PSME4: variants seen among roughly 807,000 people sequenced by gnomAD.
PSME4 encodes proteasome activator subunit 4, also known as proteasome activator complex subunit 4.
Under a neutral mutation model 253.9 loss-of-function variants are expected in PSME4, and 89 were observed. The observed-to-expected ratio is 0.35, with a 90% confidence interval of 0.30 to 0.42. The LOEUF (loss-of-function observed/expected upper bound fraction) is 0.42, where lower values mean the gene tolerates loss of function less well. PSME4 is among the 10% of genes least tolerant of loss of function. The probability of loss-of-function intolerance (pLI) is 1.00; values close to 1 mark genes in which losing one functional copy is unlikely to be tolerated. For missense variants in PSME4, 2,014 were observed against 2,195.2 expected (o/e 0.92, Z 1.65); for synonymous variants, 851 against 759.2 (o/e 1.12, Z -1.99).
At chr2:53,914,076 G>C (rs1330542540) in intron 20 of PSME4, among the ~76,000 whole-genome samples, 1 of 152,110 alleles carries the variant, frequency 6.6e-6, no homozygotes, top group African/African-American at 2.4e-5. Flanking sequence ...GAGATCCTAA[G>C]GATGATTTAA....
In PSME4 at chr2:53,896,863, C is replaced by T. The variant is rs1347379502; in HGVS notation, c.3629G>A (p.Gly1210Asp). 1.2e-6 allele frequency: 2 copies of T among 1,612,052 alleles called. No individual in the cohort carries two copies. The highest frequency in any genetic ancestry group is 1.7e-6 in the Non-Finnish European group (2 of 1,178,342). ...VRKMAISAVA[G>D]ILKQLKRTHK... Reference sequence around the variant, plus strand: ...GGTTCTTTTTAGCTGTTTAAGGATACCAGCAACAGCTGAGATAGCCATCTA... The same window carrying T: ...GGTTCTTTTTAGCTGTTTAAGGATATCAGCAACAGCTGAGATAGCCATCTA... Residue 1210 changes from glycine to aspartate, a missense_variant, in exon 32 of 47, where the codon GGT (glycine) becomes GAT (aspartate). By Grantham distance (94) the Gly-to-Asp change is moderately conservative (BLOSUM62 -1). This residue lies in a region of PSME4 where 989 missense variants were observed against 1,021.1 expected (regional missense o/e 0.97). Transcript: ENST00000404125.
At position 53,876,864 on chromosome 2, in the gene PSME4, C is replaced by T. The variant is rs572939602; in HGVS notation, c.4816-1109G>A. ...TTCTGAGTAGCTGGGACCACAGGCA[C>T]GCACCACCGTGTCCAGCTATTTTTT... On this transcript the variant is annotated intron_variant, in intron 41 of 46. Coordinates refer to ENST00000404125, the MANE Select transcript of PSME4 (RefSeq NM_014614.3). 3.3e-5 allele frequency among the ~76,000 whole-genome samples: 5 copies of T among 151,234 alleles called. No individual in the cohort carries two copies. The South Asian group carries it at 1.0e-3, about 32-fold the overall frequency.
At chr2:53,902,147 T>C (rs1343503912) in intron 27 of PSME4, among the ~76,000 whole-genome samples, 1 of 152,212 alleles carries the variant, frequency 6.6e-6, no homozygotes, top group Non-Finnish European at 1.5e-5. Context: ...TAAGAACATA[T>C]ATTCCATTCT....
At chr2:53,956,278 C>T (rs1162726618) in intron 1 of PSME4, among the ~76,000 whole-genome samples, 1 of 151,940 alleles carries the variant, frequency 6.6e-6, no homozygotes, top group Non-Finnish European at 1.5e-5. Context: ...ACTATAATCC[C>T]AGCACTTTAG....
At chr2:53,923,913 CAAAA>C (rs199929436) in intron 14 of PSME4, among the ~76,000 whole-genome samples, 2 of 96,874 alleles carry the variant, frequency 2.1e-5, no homozygotes, top group African/African-American at 4.5e-5. Context: ...ACAGAGTTAA[CAAAA>C]AAAAAAAAAA....
chr2:53,955,110 G>A (rs868380006), intron 1 of PSME4, among the ~76,000 whole-genome samples: 2 of 152,116 alleles, frequency 1.3e-5, no homozygotes, highest in Admixed American at 6.6e-5. Flanking sequence ...GGTTGAGGTT[G>A]CAGTGAGCCA....
intron 41 of PSME4, among the ~76,000 whole-genome samples, chr2:53,880,999 C>A (rs1046914296): frequency 6.6e-6 from 1 of 151,930 alleles, no homozygotes; most frequent in Non-Finnish European, 1.5e-5. Flanking sequence ...CCTACCATTA[C>A]GAAAAAAATG....
chr2:53,884,196 T>C (rs1172783215), intron 41 of PSME4, among the ~76,000 whole-genome samples: 12 of 152,154 alleles, frequency 7.9e-5, no homozygotes, highest in Non-Finnish European at 1.0e-4. Flanking sequence ...TGGTAACTTA[T>C]ATCGTACAGC....
intron 18 of PSME4, among the ~76,000 whole-genome samples, 186 bp from the exon 19 acceptor site, chr2:53,920,536 T>C (rs2104450822): frequency 6.6e-6 from 1 of 152,340 alleles, no homozygotes; most frequent in East Asian, 1.9e-4. Flanking sequence ...TTATCACTCC[T>C]GAAAAAAGTC....
chr2:53,913,369 T>C (rs1432852902), intron 20 of PSME4, among the ~76,000 whole-genome samples: 1 of 152,152 alleles, frequency 6.6e-6, no homozygotes, highest in Non-Finnish European at 1.5e-5. Flanking sequence ...AAAGAAGGGA[T>C]GCTGAAAAAG....
chr2:53,955,078 C>T (rs975620288), intron 1 of PSME4, among the ~76,000 whole-genome samples: 5 of 151,598 alleles, frequency 3.3e-5, no homozygotes, highest in African/African-American at 7.3e-5. Flanking sequence ...GGCTGAAACA[C>T]GAGGAGCATC....
chr2:53,970,917 T>TA lies in PSME4; in HGVS notation c.-134dup, dbSNP rs1671054466. ...GGCCCGTCGCCCTCGGACCGATCGC[T>TA]AGGCCCCCTTCCCTGGCCGGCGTGC... is the stretch of plus-strand genomic sequence containing the variant. On this transcript the variant is annotated 5_prime_UTR_variant, in exon 1 of 47. Coordinates refer to ENST00000404125, the MANE Select transcript of PSME4 (RefSeq NM_014614.3). 1 of 699,446 alleles carries TA rather than the reference T, an allele frequency of 1.4e-6. No homozygotes were observed. The highest frequency in any genetic ancestry group is 1.9e-5 in the African/African-American group (1 of 52,088). 43.3% of individuals were successfully genotyped at this position (699,446 alleles called of 1,614,324 possible). A position where few individuals can be genotyped will look rare whatever the true frequency, so the allele number is the denominator to read the frequency against.
At chr2:53,873,238 CAA>C (rs60203960) in intron 43 of PSME4, among the ~76,000 whole-genome samples, 4 of 123,154 alleles carry the variant, frequency 3.2e-5, no homozygotes, top group Non-Finnish European at 3.3e-5. Context: ...GACTCCGTCT[CAA>C]AAAAAAAGAA....
chr2:53,867,994 G>GGT lies in PSME4; in HGVS notation c.5264-1116_5264-1115dup, dbSNP rs1168545954. Among the ~76,000 whole-genome samples the GGT allele has an allele frequency of 4.6e-5, 7 of 151,964 alleles. No individual in the cohort carries two copies. The East Asian group carries it at 1.3e-3, about 29-fold the overall frequency. ...TTCAAATTCTCAGTTCCTCAATAAA[G>GGT]GTGTGTGTATTCACATGTTTTAAAG... On this transcript the variant is annotated intron_variant, in intron 44 of 46. Coordinates refer to ENST00000404125, the MANE Select transcript of PSME4 (RefSeq NM_014614.3).
chr2:53,933,375 CAAAAAAAAAAAAAA>C (rs571833072), intron 8 of PSME4, among the ~76,000 whole-genome samples: 2 of 60,626 alleles, frequency 3.3e-5, no homozygotes, highest in African/African-American at 8.4e-5. Flanking sequence ...GAGACCATCT[CAAAAAAAAAAAAAA>C]AAAAAAAAAA....
chr2:53,881,617 T>G (rs1301630538), intron 41 of PSME4: 2 of 152,030 alleles, frequency 1.3e-5, no homozygotes, highest in Non-Finnish European at 2.9e-5. Context: ...TTTTTTTTTT[T>G]GAACTGTCTC....
Position 53,908,409 on chromosome 2 carries a change from C to G in PSME4, c.2695G>C (p.Asp899His). ...SLFLIIKIIG[D>H]LLQFQGSHKH... The stretch of plus-strand genomic sequence containing the variant: ...TGAGATCCTTGGAATTGTAAAAGGT[C>G]TCCAATAATCTGTGTCAAAGAATTT... The change falls in exon 24 of 47, where the codon GAC becomes CAC. Residue 899 changes from aspartate (D) to histidine (H), a missense_variant. By Grantham distance (81) the Asp-to-His change is moderately conservative. Around this residue, in one of 4 missense-constraint regions of PSME4, gnomAD observed 989 missense variants for 1,021.1 expected, o/e 0.97. Coordinates refer to ENST00000404125, the MANE Select transcript of PSME4 (RefSeq NM_014614.3). 1.2e-6 allele frequency: 2 copies of G among 1,612,930 alleles called. No individual in the cohort carries two copies. Among genetic ancestry groups the G allele is most frequent in the Non-Finnish European group, 1.7e-6 (2 of 1,179,420 alleles).
At chr2:53,925,304 C>T (rs1245928394) in intron 14 of PSME4, among the ~76,000 whole-genome samples, 1 of 152,200 alleles carries the variant, frequency 6.6e-6, no homozygotes, top group South Asian at 2.1e-4. Flanking sequence ...ATTTAAGTAA[C>T]TGAATTTTTG....
In PSME4 at chr2:53,928,150, A is replaced by C. The variant is rs1416083498; in HGVS notation, c.1470T>G (p.Pro490=). ...TACTAAAGTCATTTGGATCCACCCCAGGCAATGCTCTCATCAACAGAGGTA... is the reference window on the plus strand; with the variant it reads ...TACTAAAGTCATTTGGATCCACCCCCGGCAATGCTCTCATCAACAGAGGTA... The part of the protein sequence containing the change: ...HMLPLLMRAL[P]GVDPNDFSKC... Residue 490 remains proline (P), a synonymous_variant, in exon 11 of 47, where the codon CCT becomes CCG. Coordinates refer to ENST00000404125, the MANE Select transcript of PSME4 (RefSeq NM_014614.3). 1.2e-6 allele frequency: 2 copies of C among 1,614,116 alleles called. No individual in the cohort carries two copies. Among genetic ancestry groups the C allele is most frequent in the South Asian group, 1.1e-5 (1 of 91,062 alleles).
Sources: gnomAD v4.1 joint callset for allele counts (sites outside exome capture counted in the v4.1 genomes callset) on GRCh38, gnomAD v4.1.1 for gene constraint, gnomAD v4.1.1 regional missense constraint, MANE v1.5 for transcripts, NCBI Gene and HGNC (gene_info 2026-07-23, HGNC 2026-07-21) for gene names.